IL1RAPL2: variants seen among roughly 807,000 people sequenced by gnomAD.
IL1RAPL2 encodes X-linked interleukin-1 receptor accessory protein-like 2.
IL1RAPL2 carries 3 observed loss-of-function variants against 44.1 expected under a neutral mutation model. The ratio of observed to expected loss-of-function variants is 0.07; its 90% confidence interval spans 0.03 to 0.18. The LOEUF (loss-of-function observed/expected upper bound fraction) is 0.18. Among genes scored for constraint, IL1RAPL2 ranks in the 10% least tolerant of loss-of-function variants. The pLI is 1.00. For missense variants in IL1RAPL2, 391 were observed against 496.4 expected, an observed-to-expected ratio of 0.79 and a Z score of 2.02; for synonymous variants, 181 against 178.8, an observed-to-expected ratio of 1.01 and a Z score of -0.10.
intron 2 of IL1RAPL2, among the ~76,000 whole-genome samples, chrX:105,017,799 C>A (rs1245963387): frequency 1.8e-5 from 2 of 110,895 alleles, no homozygotes; most frequent in Non-Finnish European, 1.9e-5. Context: ...GAAGAAAAAA[C>A]CATAAAATAG....
At chrX:104,818,213 G>A (rs1239062963) in intron 2 of IL1RAPL2, among the ~76,000 whole-genome samples, 2 of 107,624 alleles carry the variant, frequency 1.9e-5, no homozygotes, top group Non-Finnish European at 3.9e-5. Flanking sequence ...GCACAGTGGC[G>A]GGTGCCTATA....
intron 2 of IL1RAPL2, among the ~76,000 whole-genome samples, chrX:104,966,802 T>A: frequency 8.9e-6 from 1 of 112,699 alleles, no homozygotes; most frequent in East Asian, 2.8e-4. Context: ...GTTGTGCCAG[T>A]GTAGTGTAAA....
At chrX:104,805,702 T>C (rs1041879875) in intron 2 of IL1RAPL2, among the ~76,000 whole-genome samples, 12 of 112,132 alleles carry the variant, frequency 1.1e-4, no homozygotes, top group African/African-American at 3.9e-4. Context: ...CTGTTGATAA[T>C]AAATAATAAT....
chrX:105,443,375 T>A (rs771024109), intron 5 of IL1RAPL2, among the ~76,000 whole-genome samples: 1 of 111,403 alleles, frequency 9.0e-6, no homozygotes, highest in Admixed American at 9.6e-5. Context: ...TTTTTAGTTA[T>A]TTTAAGATGT....
chrX:105,126,737 T>C (rs1306299115), intron 2 of IL1RAPL2, among the ~76,000 whole-genome samples: 1 of 111,366 alleles, frequency 9.0e-6, no homozygotes, highest in African/African-American at 3.2e-5. Context: ...TTTATCTTAG[T>C]TCTCATTATA....
intron 6 of IL1RAPL2, among the ~76,000 whole-genome samples, chrX:105,701,846 G>T (rs1436146114): frequency 9.0e-6 from 1 of 111,302 alleles, no homozygotes; most frequent in Non-Finnish European, 1.9e-5. Context: ...CCTCTTTTCA[G>T]AATTTTGTTC....
chrX:105,218,001 G>A (rs193051385), intron 3 of IL1RAPL2, among the ~76,000 whole-genome samples: 1 of 110,707 alleles, frequency 9.0e-6, no homozygotes, highest in Non-Finnish European at 1.9e-5. Flanking sequence ...CACATGCGGA[G>A]CTTAAAACCT....
chrX:105,583,706 T>C (rs752085349), intron 6 of IL1RAPL2, among the ~76,000 whole-genome samples: 4 of 111,958 alleles, frequency 3.6e-5, no homozygotes, highest in Non-Finnish European at 5.6e-5. Context: ...TTTTCAAAAA[T>C]TTGTTTTACT....
chrX:104,812,901 C>T (rs1161907564), intron 2 of IL1RAPL2, among the ~76,000 whole-genome samples: 3 of 110,695 alleles, frequency 2.7e-5, no homozygotes, highest in East Asian at 2.8e-4. Flanking sequence ...GAGAGAATGA[C>T]TGGTTTTCAA....
intron 2 of IL1RAPL2, among the ~76,000 whole-genome samples, chrX:105,070,186 AT>A (rs1417942807): frequency 3.6e-5 from 4 of 111,508 alleles, no homozygotes; most frequent in African/African-American, 1.3e-4. Context: ...TTAATACTTT[AT>A]TTGGCAGCAG....
At chrX:104,694,183 C>A (rs758959649) in intron 2 of IL1RAPL2, among the ~76,000 whole-genome samples, 1 of 111,923 alleles carries the variant, frequency 8.9e-6, no homozygotes, top group Non-Finnish European at 1.9e-5. Flanking sequence ...CAAGCCTTTT[C>A]ATTGTTCCTC....
At chrX:104,791,037 C>T (rs1234929734) in intron 2 of IL1RAPL2, among the ~76,000 whole-genome samples, 2 of 111,480 alleles carry the variant, frequency 1.8e-5, no homozygotes, top group Non-Finnish European at 3.8e-5. Flanking sequence ...TACTAGCATT[C>T]CCATTTTACA....
chrX:105,735,417 C>A (rs777486542), intron 7 of IL1RAPL2, among the ~76,000 whole-genome samples: 1 of 111,040 alleles, frequency 9.0e-6, no homozygotes, highest in Admixed American at 9.6e-5. Flanking sequence ...GTGGTTCTTA[C>A]CCTCCCACAT....
chrX:105,226,900 C>T (rs1035542083), intron 3 of IL1RAPL2, among the ~76,000 whole-genome samples: 9 of 110,095 alleles, frequency 8.2e-5, no homozygotes, highest in African/African-American at 1.3e-4. Flanking sequence ...TACTCAAGTC[C>T]TTGGATTAAC....
chrX:104,949,991 G>A (rs994579889), intron 2 of IL1RAPL2, among the ~76,000 whole-genome samples: 1 of 110,872 alleles, frequency 9.0e-6, no homozygotes, highest in Admixed American at 9.6e-5. Context: ...TTTCTGTCTC[G>A]TTGATCTGTC....
chrX:105,321,147 A>C (rs1423357344), intron 5 of IL1RAPL2, among the ~76,000 whole-genome samples: 1 of 111,682 alleles, frequency 9.0e-6, no homozygotes, highest in Non-Finnish European at 1.9e-5. Flanking sequence ...GCAAACTGAC[A>C]GGAAGAATCA....
chrX:105,230,057 A>G (rs1556194044), intron 3 of IL1RAPL2, among the ~76,000 whole-genome samples: 3 of 112,096 alleles, frequency 2.7e-5, no homozygotes, highest in African/African-American at 9.7e-5. Flanking sequence ...TAGGCCTCCC[A>G]AAGTGCTGGG....
chrX:105,045,381 A>T (rs925820360), intron 2 of IL1RAPL2, among the ~76,000 whole-genome samples: 1 of 111,823 alleles, frequency 8.9e-6, no homozygotes, highest in Admixed American at 9.5e-5. Context: ...AAAAAATAAC[A>T]GTGTAAGTGT....
chrX:105,736,402 A>G (rs1478644589), intron 7 of IL1RAPL2, among the ~76,000 whole-genome samples: 1 of 97,260 alleles, frequency 1.0e-5, no homozygotes, highest in East Asian at 2.9e-4. Flanking sequence ...TTCTGCACAG[A>G]AAAAAAAAAA....
Sources: allele counts gnomAD v4.1 joint callset (sites outside exome capture counted in the v4.1 genomes callset), GRCh38; gene constraint gnomAD v4.1.1; transcripts MANE v1.5; gene names NCBI Gene and HGNC (gene_info 2026-07-23, HGNC 2026-07-21).